The following HNRNPUL1 variants were observed in gnomAD, a reference collection of about 807,000 sequenced individuals.
HNRNPUL1 encodes heterogeneous nuclear ribonucleoprotein U like 1, also known as heterogeneous nuclear ribonucleoprotein U-like protein 1.
A neutral mutation model predicts 108.5 loss-of-function variants in HNRNPUL1; 14 were observed. That is an observed-to-expected ratio of 0.13 (90% CI 0.09 to 0.20). The LOEUF is 0.20. Ranked by LOEUF, HNRNPUL1 falls within the 10% of genes least tolerant of loss-of-function variation. HNRNPUL1 has a pLI of 1.00. For synonymous variants in HNRNPUL1, 422 were observed against 445.2 expected, an observed-to-expected ratio of 0.95 and a Z score of 0.66; for missense variants, 804 against 1,168.3, an observed-to-expected ratio of 0.69 and a Z score of 4.55.
chr19:41,270,623 T>C (rs2035173620), intron 2 of HNRNPUL1, among the ~76,000 whole-genome samples: 1 of 130,184 alleles, frequency 7.7e-6, no homozygotes, highest in Non-Finnish European at 1.6e-5. Context: ...TGAGATGGAG[T>C]CTCGCTCTGT....
At position 41,292,365 on chromosome 19, in the gene HNRNPUL1, G is replaced by A; in HGVS notation, c.1120G>A (p.Val374Met). Reference sequence around the variant, plus strand: ...TCAGGCCCTCTATCCTCATGTCCTGGTGAAGAATTGCGCAGTGGAGTTCAA... The same window carrying A: ...TCAGGCCCTCTATCCTCATGTCCTGATGAAGAATTGCGCAGTGGAGTTCAA... ...GGQALYPHVLVKNCAVEFNFG... is the reference protein window; with the variant it reads ...GGQALYPHVLMKNCAVEFNFG... The change falls in exon 8 of 15, where the codon GTG (valine) becomes ATG (methionine). Residue 374 changes from valine (V) to methionine (M), a missense_variant. Val to Met is a conservative substitution (Grantham distance 21). Around this residue, in one of 4 missense-constraint regions of HNRNPUL1, gnomAD observed 174 missense variants for 296.6 expected, o/e 0.59. Coordinates refer to ENST00000392006, the MANE Select transcript of HNRNPUL1 (RefSeq NM_007040.6). This position sits in a 1 kb window ranked among gnomAD's most constrained non-coding sequence, Gnocchi z 4.1. The A allele has an allele frequency of 6.2e-7, 1 of 1,614,212 alleles. No homozygotes were observed. Among genetic ancestry groups the A allele is most frequent in the Non-Finnish European group, 8.5e-7 (1 of 1,180,038 alleles).
At chr19:41,263,113 G>C (rs1351174365), upstream of HNRNPUL1, 1 of 150,996 alleles carries the variant, frequency 6.6e-6, no homozygotes, top group East Asian at 1.9e-4. Context: ...ACGCCTGTTT[G>C]TTTACGACTG....
At position 41,292,151 on chromosome 19, in the gene HNRNPUL1, C is replaced by T; in HGVS notation, c.1000-94C>T. 7.7e-7 allele frequency: 1 copy of T among 1,301,500 alleles called. No individual in the cohort carries two copies. Among genetic ancestry groups the T allele is most frequent in the East Asian group, 2.3e-5 (1 of 43,064 alleles). The allele number at this position is 1,301,500 out of a possible 1,614,324, so 80.6% of individuals were successfully genotyped here. On this transcript the variant is annotated intron_variant, in intron 7 of 14. Coordinates refer to ENST00000392006, the MANE Select transcript of HNRNPUL1 (RefSeq NM_007040.6). The surrounding 1 kb of genome is among the most constrained non-coding windows in gnomAD (Gnocchi z 4.1). ...ATGCACTTCAATCTGGAAAGCTGTC[C>T]ACATTCTACTCCCTGCATCTACTGT...
At chr19:41,300,812 CAG>C (rs1264598314) in intron 10 of HNRNPUL1, among the ~76,000 whole-genome samples, 2 of 152,336 alleles carry the variant, frequency 1.3e-5, no homozygotes, top group East Asian at 1.9e-4. Flanking sequence ...TTGCGAAAAG[CAG>C]AGTCTCCTGA....
At chr19:41,303,941 G>A (rs760195555) in intron 12 of HNRNPUL1, 31 bp from the exon 13 acceptor site, 2 of 1,580,876 alleles carry the variant, frequency 1.3e-6, no homozygotes, top group Non-Finnish European at 1.7e-6. Context: ...TGGGAATGAT[G>A]GCGCCTTTCA....
upstream of HNRNPUL1, chr19:41,264,362 G>A: frequency 3.3e-6 from 2 of 611,586 alleles, no homozygotes; most frequent in Admixed American, 4.1e-5. Flanking sequence ...GGGAGGCGGT[G>A]GCGGCGGCCA....
At chr19:41,283,991 A>G (rs2036059571) in intron 7 of HNRNPUL1, among the ~76,000 whole-genome samples, 1 of 152,264 alleles carries the variant, frequency 6.6e-6, no homozygotes, top group East Asian at 1.9e-4. Flanking sequence ...TACTTAAAAC[A>G]CTGTGTGTCA....
chr19:41,279,057 C>T lies in HNRNPUL1; in HGVS notation c.787-20C>T. On this transcript the variant is annotated intron_variant, in intron 5 of 14. Coordinates refer to ENST00000392006, the MANE Select transcript of HNRNPUL1 (RefSeq NM_007040.6). ...GCCTCCAGAGAAGCAACCCTGAGCC[C>T]TTTTGTCCTCTTTCCTCAGATCAAT... 1 of 1,598,198 alleles carries T rather than the reference C, an allele frequency of 6.3e-7. No homozygotes were observed. The highest frequency in any genetic ancestry group is 1.3e-5 in the African/African-American group (1 of 74,676).
At position 41,264,524 on chromosome 19, in the gene HNRNPUL1, G is replaced by C. The variant is rs1357477056; in HGVS notation, c.21G>C (p.Lys7Asn). ...GGGCCATGGATGTGCGCCGTCTGAA[G>C]GTGAACGAACTTCGCGAGGAGCTGC... MDVRRL[K>N]VNELREELQR... The change falls in exon 1 of 15, where the codon AAG becomes AAC. Residue 7 changes from lysine (K) to asparagine (N), a missense_variant. Lys to Asn is a moderately conservative substitution (Grantham distance 94). Coordinates refer to ENST00000392006, the MANE Select transcript of HNRNPUL1 (RefSeq NM_007040.6). 6.8e-7 allele frequency: 1 copy of C among 1,465,132 alleles called. No individual in the cohort carries two copies. The highest frequency in any genetic ancestry group is 9.0e-7 in the Non-Finnish European group (1 of 1,108,932). The allele number at this position is 1,465,132 out of a possible 1,614,324, so 90.8% of individuals were successfully genotyped here.
intron 10 of HNRNPUL1, among the ~76,000 whole-genome samples, chr19:41,301,167 CA>C (rs1303731043): frequency 6.6e-6 from 1 of 152,170 alleles, no homozygotes; most frequent in African/African-American, 2.4e-5. Flanking sequence ...TAAGGGAACA[CA>C]GGGGTTTTTC....
At chr19:41,283,957 G>A (rs1406142356) in intron 7 of HNRNPUL1, among the ~76,000 whole-genome samples, 1 of 152,202 alleles carries the variant, frequency 6.6e-6, no homozygotes, top group African/African-American at 2.4e-5. Context: ...TGCTATTATG[G>A]TGAGCTCAAT....
rs1163857203 is a variant in HNRNPUL1, at chr19:41,301,459, C to G, written c.1519-77C>G. The G allele has an allele frequency of 8.1e-6, 10 of 1,231,950 alleles. No homozygotes were observed. The Admixed American group carries it at 2.3e-4, about 28-fold the overall frequency. 76.3% of individuals were successfully genotyped at this position (1,231,950 alleles called of 1,614,324 possible). ...CTGATATCCTTTTCTCAGTCCCTGGCCTACATAATACCCCTCAGAGGAAAA... is the reference window on the plus strand; with the variant it reads ...CTGATATCCTTTTCTCAGTCCCTGGGCTACATAATACCCCTCAGAGGAAAA... On this transcript the variant is annotated intron_variant, in intron 10 of 14. Coordinates refer to ENST00000392006, the MANE Select transcript of HNRNPUL1 (RefSeq NM_007040.6).
At chr19:41,265,238 C>G (rs2034752676) in intron 1 of HNRNPUL1, 11 of 1,523,684 alleles carry the variant, frequency 7.2e-6, no homozygotes, top group Non-Finnish European at 9.6e-6. Context: ...AGCCGTGTTT[C>G]CAGGGTGGGG....
Position 41,274,001 on chromosome 19 carries a change from C to A in HNRNPUL1, c.592C>A (p.Pro198Thr). The A allele has an allele frequency of 6.2e-7, 1 of 1,613,978 alleles. No homozygotes were observed. Among genetic ancestry groups the A allele is most frequent in the Non-Finnish European group, 8.5e-7 (1 of 1,179,840 alleles). Reference protein sequence around the residue: ...EDRRGRSPQPPAEEDEDDFDD... With the variant: ...EDRRGRSPQPTAEEDEDDFDD... ...ATACAGGGGCCGCTCTCCTCAGCCT[C>A]CTGCTGAAGAGGATGAAGATGACTT... Residue 198 changes from proline (P) to threonine (T), a missense_variant, in exon 4 of 15, where the codon CCT (proline) becomes ACT (threonine). By Grantham distance (38) the Pro-to-Thr change is conservative. Transcript: ENST00000392006.
At position 41,292,609 on chromosome 19, in the gene HNRNPUL1, G is replaced by T. The variant is rs2036655158; in HGVS notation, c.1266+98G>T. 1.3e-5 allele frequency: 19 copies of T among 1,455,102 alleles called. No homozygotes were observed. In the South Asian group the frequency reaches 2.3e-4, roughly 18 times the overall value. 90.1% of individuals were successfully genotyped at this position (1,455,102 alleles called of 1,614,324 possible). ...ACAGACTTGCTGCGAGAGTAGCCTT[G>T]GGGCAAGTGGCCACTTTGTCCCAGC... On this transcript the variant is annotated intron_variant, in intron 8 of 14. Transcript: ENST00000392006. The surrounding 1 kb of genome is among the most constrained non-coding windows in gnomAD (Gnocchi z 4.1).
At chr19:41,274,534 C>T (rs1298368162) in intron 4 of HNRNPUL1, among the ~76,000 whole-genome samples, 1 of 152,234 alleles carries the variant, frequency 6.6e-6, no homozygotes, top group African/African-American at 2.4e-5. Context: ...CTGGCCCGCC[C>T]TGCTGTCTGT....
At chr19:41,274,767 C>T (rs1247522658) in intron 4 of HNRNPUL1, among the ~76,000 whole-genome samples, 1 of 152,208 alleles carries the variant, frequency 6.6e-6, no homozygotes, top group Non-Finnish European at 1.5e-5. Context: ...GCAATTTATT[C>T]ATCTATTTCT....
At chr19:41,264,086 T>C (rs2034649358), upstream of HNRNPUL1, among the ~76,000 whole-genome samples, 1 of 152,154 alleles carries the variant, frequency 6.6e-6, no homozygotes, top group African/African-American at 2.4e-5. Context: ...AAATTGTTAC[T>C]CCCTTATTTT....
intron 4 of HNRNPUL1, 21 bp from the exon 5 acceptor site, chr19:41,276,138 T>G: frequency 1.2e-6 from 2 of 1,613,724 alleles, no homozygotes; most frequent in Non-Finnish European, 1.7e-6. Flanking sequence ...ATCAGCCAAC[T>G]GTGGGCATTT....
Sources: allele counts gnomAD v4.1 joint callset (sites outside exome capture counted in the v4.1 genomes callset), GRCh38; gene constraint gnomAD v4.1.1; regional missense constraint gnomAD v4.1.1; non-coding constraint Gnocchi (gnomAD v3.1); transcripts MANE v1.5; gene names NCBI Gene and HGNC (gene_info 2026-07-23, HGNC 2026-07-21).